DENND1A: variants seen among roughly 807,000 people sequenced by gnomAD.
DENND1A encodes the protein DENN domain-containing protein 1A.
A neutral mutation model predicts 113.7 loss-of-function variants in DENND1A; 51 were observed. That is an observed-to-expected ratio of 0.45 (90% CI 0.36 to 0.57). The LOEUF is 0.57. Ranked by LOEUF, DENND1A falls within the 20% of genes least tolerant of loss-of-function variation. The pLI is 0.00. For synonymous variants in DENND1A, 565 were observed against 570.8 expected (o/e 0.99, Z 0.14); for missense variants, 1,258 against 1,395.9 (o/e 0.90, Z 1.57).
intron 3 of DENND1A, among the ~76,000 whole-genome samples, chr9:123,782,533 C>G (rs1351910284): frequency 1.3e-5 from 2 of 152,182 alleles, no homozygotes; most frequent in Non-Finnish European, 2.9e-5. Context: ...TTACCAGGTC[C>G]TAGAGATCTG....
At chr9:123,560,176 G>C (rs2057661479) in intron 12 of DENND1A, among the ~76,000 whole-genome samples, 1 of 152,192 alleles carries the variant, frequency 6.6e-6, no homozygotes, top group African/African-American at 2.4e-5. Context: ...TTTGTGTGGA[G>C]ACAATGGAAA....
intron 11 of DENND1A, among the ~76,000 whole-genome samples, chr9:123,600,108 G>A (rs372118342): frequency 7.9e-5 from 12 of 152,084 alleles, no homozygotes; most frequent in African/African-American, 1.2e-4. Context: ...TCACGTGGCC[G>A]GGCTCAGTTA....
chr9:123,415,569 C>T (rs1031097379), intron 19 of DENND1A, among the ~76,000 whole-genome samples: 1 of 152,216 alleles, frequency 6.6e-6, no homozygotes, highest in African/African-American at 2.4e-5. Context: ...AGACAGTAAT[C>T]CCGTGGGAAG....
intron 13 of DENND1A, among the ~76,000 whole-genome samples, chr9:123,544,017 A>T (rs1182140336): frequency 6.6e-6 from 1 of 152,226 alleles, no homozygotes; most frequent in African/African-American, 2.4e-5. Flanking sequence ...ATAGACTTCA[A>T]ATTCACTATA....
intron 2 of DENND1A, among the ~76,000 whole-genome samples, chr9:123,852,326 T>C (rs1361910210): frequency 6.6e-6 from 1 of 152,146 alleles, no homozygotes; most frequent in Non-Finnish European, 1.5e-5. Flanking sequence ...TTTGGGGACC[T>C]TGGGGAGGCT....
Position 123,382,196 on chromosome 9 carries a change from CA to C in DENND1A, c.2448del (p.Val817LeufsTer52). The C allele has an allele frequency of 6.2e-7, 1 of 1,609,700 alleles. No individual in the cohort carries two copies. Among genetic ancestry groups the C allele is most frequent in the Non-Finnish European group, 8.5e-7 (1 of 1,179,534 alleles). ...RAALSPGLLP[G>X]VVPQGPTELL... is the part of the protein sequence containing the mutation. ...AGTTCAGTGGGGCCTTGGGGGACAA[CA>C]CCAGGCAGGAGCCCTGGACTCAGGG... On this transcript the variant is annotated frameshift_variant, in exon 24 of 24. Coordinates refer to ENST00000394215, the MANE Select transcript of DENND1A (RefSeq NM_001352964.2). LOFTEE classifies it high-confidence loss of function.
chr9:123,917,155 G>A (rs1855305513), intron 1 of DENND1A, among the ~76,000 whole-genome samples: 1 of 152,008 alleles, frequency 6.6e-6, no homozygotes, highest in East Asian at 1.9e-4. Flanking sequence ...CTGCACTCCA[G>A]CCCAGGCGAC....
chr9:123,917,534 G>C (rs1855381778), intron 1 of DENND1A, among the ~76,000 whole-genome samples: 2 of 152,154 alleles, frequency 1.3e-5, no homozygotes, highest in African/African-American at 4.8e-5. Context: ...CTATAGTCTA[G>C]AACTGGAAAA....
At chr9:123,430,680 G>T (rs2046072781) in intron 19 of DENND1A, among the ~76,000 whole-genome samples, 1 of 152,156 alleles carries the variant, frequency 6.6e-6, no homozygotes, top group Non-Finnish European at 1.5e-5. Flanking sequence ...AGTGGTGGGT[G>T]GGGAGGCGAG....
At chr9:123,783,881 A>G (rs1831707206) in intron 3 of DENND1A, among the ~76,000 whole-genome samples, 1 of 152,234 alleles carries the variant, frequency 6.6e-6, no homozygotes, top group South Asian at 2.1e-4. Flanking sequence ...TCACAGATTG[A>G]TGAAGACACA....
intron 17 of DENND1A, among the ~76,000 whole-genome samples, chr9:123,451,448 T>A (rs1440225105): frequency 1.3e-5 from 2 of 152,216 alleles, no homozygotes; most frequent in African/African-American, 2.4e-5. Flanking sequence ...CGGGAACAGA[T>A]GTGCTCTCCT....
chr9:123,540,946 G>C (rs922402452), intron 13 of DENND1A, among the ~76,000 whole-genome samples: 1 of 152,280 alleles, frequency 6.6e-6, no homozygotes, highest in African/African-American at 2.4e-5. Context: ...GCTCTAGTCC[G>C]ACTCTTTCTT....
chr9:123,881,462 A>T (rs1266031869), intron 1 of DENND1A, among the ~76,000 whole-genome samples: 1 of 152,232 alleles, frequency 6.6e-6, no homozygotes, highest in African/African-American at 2.4e-5. Context: ...TCTTAAGCCT[A>T]GTTTGCAAAT....
intron 13 of DENND1A, among the ~76,000 whole-genome samples, chr9:123,546,952 G>A (rs754720524): frequency 6.6e-5 from 10 of 152,228 alleles, no homozygotes; most frequent in Non-Finnish European, 1.3e-4. Flanking sequence ...TGATCATAGT[G>A]TTTAAGTGGA....
chr9:123,446,617 G>A (rs557361256), intron 18 of DENND1A, among the ~76,000 whole-genome samples: 85 of 152,210 alleles, frequency 5.6e-4, no homozygotes, highest in African/African-American at 2.0e-3. Flanking sequence ...TTGAGCCCAG[G>A]AGTTTGAGAC....
intron 2 of DENND1A, among the ~76,000 whole-genome samples, chr9:123,850,983 G>A (rs949415637): frequency 2.0e-5 from 3 of 152,128 alleles, no homozygotes; most frequent in Non-Finnish European, 4.4e-5. Context: ...TAAGATGACT[G>A]GATTTTAAAA....
chr9:123,504,090 T>G (rs2052713117), intron 13 of DENND1A, among the ~76,000 whole-genome samples: 1 of 152,220 alleles, frequency 6.6e-6, no homozygotes, highest in South Asian at 2.1e-4. Flanking sequence ...TCTCTTTGCT[T>G]CTTTCTCAGC....
intron 16 of DENND1A, 76 bp from the exon 17 acceptor site, chr9:123,452,423 A>T: frequency 8.4e-7 from 1 of 1,185,148 alleles, no homozygotes; most frequent in Middle Eastern, 1.9e-4. Flanking sequence ...GCTTCTCTTC[A>T]ATCGAGTTAA....
At chr9:123,514,351 T>A (rs2053719579) in intron 13 of DENND1A, among the ~76,000 whole-genome samples, 3 of 149,288 alleles carry the variant, frequency 2.0e-5, no homozygotes, top group Admixed American at 6.7e-5. Context: ...TGTGAGAGAG[T>A]GGAGGTGGTG....
Sources: gnomAD v4.1 joint callset for allele counts (sites outside exome capture counted in the v4.1 genomes callset) on GRCh38, gnomAD v4.1.1 for gene constraint, MANE v1.5 for transcripts, NCBI Gene and HGNC (gene_info 2026-07-23, HGNC 2026-07-21) for gene names.